Variants in TMC5 observed in about 807,000 individuals in gnomAD.
TMC5 encodes the protein transmembrane channel like 5.
In TMC5, 86 loss-of-function variants were observed where a neutral mutation model predicts 110.5. That is an observed-to-expected ratio of 0.78 (90% CI 0.65 to 0.93). The LOEUF (loss-of-function observed/expected upper bound fraction) is 0.93, where lower values mean the gene tolerates loss of function less well. Among genes scored for constraint, TMC5 ranks in the 40% least tolerant of loss-of-function variants. TMC5 has a pLI of 0.00. For missense variants in TMC5, 1,144 were observed against 1,222.8 expected, an observed-to-expected ratio of 0.94 and a Z score of 0.96; for synonymous variants, 455 against 439.5, an observed-to-expected ratio of 1.04 and a Z score of -0.44.
intron 18 of TMC5, 133 bp downstream of exon 18, chr16:19,490,701 G>A: frequency 2.7e-6 from 2 of 744,542 alleles, no homozygotes; most frequent in South Asian, 2.0e-5. Flanking sequence ...CCCTTGCATA[G>A]GTAGTTTTCT....
chr16:19,480,692 C>T (rs1348060160), intron 14 of TMC5, among the ~76,000 whole-genome samples: 1 of 151,276 alleles, frequency 6.6e-6, no homozygotes, highest in Non-Finnish European at 1.5e-5. Flanking sequence ...ATAATCCCAA[C>T]TACTTGGGAG....
chr16:19,432,165 C>G (rs1248815983), intron 2 of TMC5, among the ~76,000 whole-genome samples: 1 of 152,076 alleles, frequency 6.6e-6, no homozygotes, highest in East Asian at 1.9e-4. Flanking sequence ...GTAATTGATC[C>G]CTAGAAGATT....
chr16:19,418,969 T>G (rs1966918288), intron 1 of TMC5, among the ~76,000 whole-genome samples: 4 of 152,206 alleles, frequency 2.6e-5, no homozygotes, highest in Admixed American at 2.6e-4. Context: ...GCTCAAGCGA[T>G]CCTTCTGCCT....
intron 3 of TMC5, among the ~76,000 whole-genome samples, chr16:19,442,987 C>T (rs1279819424): frequency 6.6e-6 from 1 of 152,126 alleles, no homozygotes; most frequent in Non-Finnish European, 1.5e-5. Flanking sequence ...GAAAGGCCAC[C>T]CAACTTCACT....
At chr16:19,435,631 A>T (rs558506080) in intron 2 of TMC5, among the ~76,000 whole-genome samples, 1 of 152,286 alleles carries the variant, frequency 6.6e-6, no homozygotes, top group East Asian at 1.9e-4. Flanking sequence ...ACCGCTCAAG[A>T]TCATCAGCCA....
chr16:19,458,627 G>A (rs1021087717), intron 5 of TMC5, among the ~76,000 whole-genome samples: 1 of 152,162 alleles, frequency 6.6e-6, no homozygotes, highest in Non-Finnish European at 1.5e-5. Context: ...CATTTAGTAG[G>A]TTTAGCCCCT....
intron 1 of TMC5, among the ~76,000 whole-genome samples, chr16:19,412,707 G>C (rs888028726): frequency 6.6e-6 from 1 of 152,128 alleles, no homozygotes; most frequent in Non-Finnish European, 1.5e-5. Flanking sequence ...TGAAACACTC[G>C]GAACAGTGCC....
chr16:19,470,252 G>A (rs1030154771), intron 10 of TMC5, among the ~76,000 whole-genome samples: 13 of 147,836 alleles, frequency 8.8e-5, no homozygotes, highest in Non-Finnish European at 1.8e-4. Flanking sequence ...GCAGTGGCAT[G>A]ATCTTGGCTC....
chr16:19,413,780 GC>G (rs1966864119), upstream of TMC5, among the ~76,000 whole-genome samples: 1 of 152,108 alleles, frequency 6.6e-6, no homozygotes, highest in Admixed American at 6.6e-5. Context: ...AGGCTCCAGA[GC>G]CAGACCTCCT....
intron 2 of TMC5, among the ~76,000 whole-genome samples, chr16:19,439,757 G>A (rs904076815): frequency 2.6e-5 from 4 of 152,166 alleles, no homozygotes; most frequent in Non-Finnish European, 1.5e-5. Flanking sequence ...GGGAAGTTGT[G>A]GGTATCACTG....
chr16:19,437,585 A>G (rs920249152), intron 2 of TMC5, among the ~76,000 whole-genome samples: 8 of 152,246 alleles, frequency 5.3e-5, no homozygotes, highest in African/African-American at 1.9e-4. Context: ...TGTCATTTAC[A>G]TAGAGATAAA....
chr16:19,434,487 G>T (rs1967296734), intron 2 of TMC5, among the ~76,000 whole-genome samples: 1 of 74,010 alleles, frequency 1.4e-5, no homozygotes, highest in African/African-American at 6.1e-5. Flanking sequence ...TAGATAGATA[G>T]ATAGATATAG....
At chr16:19,446,373 G>A (rs1043889187) in intron 4 of TMC5, among the ~76,000 whole-genome samples, 4 of 152,154 alleles carry the variant, frequency 2.6e-5, no homozygotes, top group African/African-American at 4.8e-5. Context: ...CTTAGAGGAC[G>A]GCAATGAGGA....
intron 9 of TMC5, 151 bp downstream of exon 9, chr16:19,466,384 C>T: frequency 1.1e-6 from 1 of 872,320 alleles, no homozygotes; most frequent in South Asian, 1.8e-5. Context: ...TAGAGTCTCG[C>T]TCTGTCACCC....
chr16:19,485,791 A>G (rs1018614102), intron 15 of TMC5, among the ~76,000 whole-genome samples: 1 of 152,198 alleles, frequency 6.6e-6, no homozygotes, highest in Non-Finnish European at 1.5e-5. Context: ...AAAATGGGAG[A>G]ATGGCATTCT....
At chr16:19,452,904 C>T (rs1288484818) in intron 5 of TMC5, among the ~76,000 whole-genome samples, 1 of 151,688 alleles carries the variant, frequency 6.6e-6, no homozygotes, top group African/African-American at 2.4e-5. Context: ...GGCAGGAGAT[C>T]AGAGAGAGAG....
intron 6 of TMC5, among the ~76,000 whole-genome samples, chr16:19,462,897 C>CAAA (rs530123989): frequency 9.5e-5 from 8 of 83,858 alleles, no homozygotes; most frequent in African/African-American, 1.3e-4. Context: ...GACGCCATCT[C>CAAA]AAAAAAAAAA....
At chr16:19,419,803 T>C (rs1966944111) in intron 1 of TMC5, among the ~76,000 whole-genome samples, 1 of 152,172 alleles carries the variant, frequency 6.6e-6, no homozygotes, top group Non-Finnish European at 1.5e-5. Context: ...TAGAGTATCT[T>C]CATAAACACT....
At chr16:19,450,437 A>G (rs60300975) in intron 5 of TMC5, among the ~76,000 whole-genome samples, 10,711 of 152,218 alleles carry the variant, frequency 0.07, 758 homozygotes, top group African/African-American at 0.19. Context: ...AGGGAACTCA[A>G]TGTCACCTGG....
Sources: gnomAD v4.1 joint callset for allele counts (sites outside exome capture counted in the v4.1 genomes callset) on GRCh38, gnomAD v4.1.1 for gene constraint, MANE v1.5 for transcripts, NCBI Gene and HGNC (gene_info 2026-07-23, HGNC 2026-07-21) for gene names.